The following MYBPC1 variants were observed in gnomAD, a reference collection of about 807,000 sequenced individuals.
MYBPC1 encodes myosin binding protein C1, also known as myosin-binding protein C, slow-type.
A neutral mutation model predicts 147.1 loss-of-function variants in MYBPC1; 52 were observed. The observed-to-expected ratio is 0.35, with a 90% CI of 0.28 to 0.45. The LOEUF (loss-of-function observed/expected upper bound fraction) is 0.45. MYBPC1 is among the 20% of genes least tolerant of loss of function. The pLI is 1.00. For missense variants in MYBPC1, 1,228 were observed against 1,440.3 expected (o/e 0.85, Z 2.39); for synonymous variants, 477 against 475.9 (o/e 1.00, Z -0.03).
chr12:101,685,602 C>T lies in MYBPC1; in HGVS notation c.*40C>T. 6.5e-7 allele frequency: 1 copy of T among 1,533,830 alleles called. No individual in the cohort carries two copies. The highest frequency in any genetic ancestry group is 2.0e-5 in the Admixed American group (1 of 50,974). On this transcript the variant is annotated 3_prime_UTR_variant, in exon 32 of 32. Coordinates refer to ENST00000361466, the MANE Select transcript of MYBPC1 (RefSeq NM_002465.4). ...TCTAGGTGGGCTCTCCTTCTGCAGACTCCTCTTGCAAGGCGTACCTCCAAA... is the reference window on the plus strand; with the variant it reads ...TCTAGGTGGGCTCTCCTTCTGCAGATTCCTCTTGCAAGGCGTACCTCCAAA...
rs1312573219 is a variant in MYBPC1, at chr12:101,631,601, A to G, written c.320A>G (p.Lys107Arg). Residue 107 changes from lysine (K) to arginine (R), a missense_variant, in exon 7 of 32, where the codon AAG becomes AGG. Lys to Arg is a conservative substitution (Grantham distance 26, BLOSUM62 2). Coordinates refer to ENST00000361466, the MANE Select transcript of MYBPC1 (RefSeq NM_002465.4). Reference sequence around the variant, plus strand: ...GATATCACCTTCATAGCCAAAGTCAAGGCTGAAGATCTTCTGAGAAAACCC... The same window carrying G: ...GATATCACCTTCATAGCCAAAGTCAGGGCTGAAGATCTTCTGAGAAAACCC... The part of the protein sequence containing the change: ...GEDITFIAKV[K>R]AEDLLRKPTI... The G allele has an allele frequency of 2.5e-6, 4 of 1,614,040 alleles. No individual in the cohort carries two copies. The highest frequency in any genetic ancestry group is 3.4e-6 in the Non-Finnish European group (4 of 1,180,000).
intron 1 of MYBPC1, among the ~76,000 whole-genome samples, chr12:101,606,753 T>A (rs540160234): frequency 2.6e-5 from 4 of 152,320 alleles, no homozygotes; most frequent in South Asian, 4.1e-4. Flanking sequence ...AAATTCTTCA[T>A]CTCTGCTACA....
downstream of MYBPC1, among the ~76,000 whole-genome samples, chr12:101,687,664 C>T (rs1951371510): frequency 6.6e-6 from 1 of 152,204 alleles, no homozygotes; most frequent in African/African-American, 2.4e-5. Flanking sequence ...GACAATGTGG[C>T]AAACCCAGTC....
At chr12:101,596,581 G>A (rs1877346633) in intron 1 of MYBPC1, among the ~76,000 whole-genome samples, 1 of 152,098 alleles carries the variant, frequency 6.6e-6, no homozygotes, top group African/African-American at 2.4e-5. Context: ...TTGAAAATGA[G>A]AAGAAAGCTG....
At chr12:101,624,629 A>AG (rs63462361) in intron 3 of MYBPC1, among the ~76,000 whole-genome samples, 71,878 of 149,802 alleles carry the variant, frequency 0.48, 17,856 homozygotes, top group East Asian at 0.67. Context: ...TTAAGACTAC[A>AG]GCACACACTA....
intron 25 of MYBPC1, among the ~76,000 whole-genome samples, chr12:101,673,977 T>C (rs12318857): frequency 0.32 from 47,898 of 151,920 alleles, 7,905 homozygotes; most frequent in African/African-American, 0.42. Flanking sequence ...CGCTTGAACC[T>C]GGGAGGTGGA....
At chr12:101,670,824 A>C (rs1359924258) in intron 24 of MYBPC1, among the ~76,000 whole-genome samples, 1 of 152,196 alleles carries the variant, frequency 6.6e-6, no homozygotes, top group African/African-American at 2.4e-5. Flanking sequence ...AATGACCCCA[A>C]ACCAAAATAA....
chr12:101,658,693 T>A (rs1268742973), intron 18 of MYBPC1, among the ~76,000 whole-genome samples: 1 of 152,072 alleles, frequency 6.6e-6, no homozygotes, highest in Non-Finnish European at 1.5e-5. Flanking sequence ...AAAAAATAAA[T>A]AAAAACAAAA....
chr12:101,685,709 C>T lies in MYBPC1; in HGVS notation c.*147C>T. The T allele has an allele frequency of 7.0e-7, 1 of 1,430,226 alleles. No homozygotes were observed. Among genetic ancestry groups the T allele is most frequent in the African/African-American group, 1.4e-5 (1 of 70,348 alleles). The allele number at this position is 1,430,226 out of a possible 1,614,324, so 88.6% of individuals were successfully genotyped here. On this transcript the variant is annotated 3_prime_UTR_variant, in exon 32 of 32. Coordinates refer to ENST00000361466, the MANE Select transcript of MYBPC1 (RefSeq NM_002465.4). ...GGAGGGCCTGGCTACTGTCTCTCTG[C>T]ACTCTGCTGCTTTGAAATCTGGTTG...
intron 3 of MYBPC1, among the ~76,000 whole-genome samples, chr12:101,619,620 T>C (rs1886931214): frequency 6.6e-6 from 1 of 152,218 alleles, no homozygotes; most frequent in Admixed American, 6.5e-5. Flanking sequence ...ACATCCTATG[T>C]ATGTTCTTAG....
In MYBPC1 at chr12:101,655,956, G is replaced by A. The variant is rs555130816; in HGVS notation, c.1767+2708G>A. On this transcript the variant is annotated intron_variant, in intron 18 of 31. Coordinates refer to ENST00000361466, the MANE Select transcript of MYBPC1 (RefSeq NM_002465.4). Reference sequence around the variant, plus strand: ...TGTTCAAAATGATAAAAGCAACAATGTATTCAATTAGGTATGCTTATATAG... The same window carrying A: ...TGTTCAAAATGATAAAAGCAACAATATATTCAATTAGGTATGCTTATATAG... Among the ~76,000 whole-genome samples the A allele has an allele frequency of 7.2e-5, 11 of 152,124 alleles. No individual in the cohort carries two copies. The South Asian group carries it at 2.3e-3, about 32-fold the overall frequency.
chr12:101,629,319 T>C, intron 5 of MYBPC1, 115 bp from the exon 6 acceptor site: 5 of 744,960 alleles, frequency 6.7e-6, no homozygotes, highest in Non-Finnish European at 1.2e-5. Context: ...TGTATTTATC[T>C]AGGTTTATTA....
At chr12:101,689,668 T>C (rs377306555), downstream of MYBPC1, among the ~76,000 whole-genome samples, 119 of 152,170 alleles carry the variant, frequency 7.8e-4, 1 homozygote, top group African/African-American at 2.8e-3. Flanking sequence ...AATTATAAGG[T>C]ATTCATCATG....
Position 101,666,739 on chromosome 12 carries a change from C to G in MYBPC1, c.2357-993C>G, listed in dbSNP as rs745888634. 1.2e-5 allele frequency: 19 copies of G among 1,613,030 alleles called. No homozygotes were observed. The African/African-American group carries it at 2.4e-4, about 20-fold the overall frequency. ...TTAATTAATTTTAATGACGGATTCT[C>G]AAAGGTACATCAGCAAAACAGTCTG... On this transcript the variant is annotated intron_variant, in intron 22 of 31. Coordinates refer to ENST00000361466, the MANE Select transcript of MYBPC1 (RefSeq NM_002465.4).
rs1436529828 is a variant in MYBPC1 at position 101,615,676 on chromosome 12, C to CG, written c.61+1145_61+1146insG. Among the ~76,000 whole-genome samples the CG allele has an allele frequency of 6.1e-4, 66 of 107,826 alleles. 2 individuals are homozygous for CG. In the East Asian group the frequency reaches 0.01, roughly 17 times the overall value. 70.7% of individuals were successfully genotyped at this position (107,826 alleles called of 152,430 possible). ...AAGAACCCCCCGCCCCCCCCCCGCC[C>CG]CCCCACACCAAGCAGTATGTGATTA... On this transcript the variant is annotated intron_variant, in intron 2 of 31. Transcript: ENST00000361466.
rs1899774400 is a variant in MYBPC1 at position 101,675,571 on chromosome 12, C to A, written c.2949+140C>A. ...ATGTGGCAGAGCAGAAAGGAAAAGA[C>A]CTGTGGAGCCACAGAGCTGGTCTTA... On this transcript the variant is annotated intron_variant, in intron 26 of 31. Transcript: ENST00000361466. 15 of 1,292,452 alleles carry A rather than the reference C, an allele frequency of 1.2e-5. No homozygotes were observed. In the South Asian group the frequency reaches 1.7e-4, roughly 15 times the overall value. 80.1% of individuals were successfully genotyped at this position (1,292,452 alleles called of 1,614,324 possible).
intron 3 of MYBPC1, among the ~76,000 whole-genome samples, chr12:101,618,191 C>A (rs1376216434): frequency 6.6e-6 from 1 of 152,112 alleles, no homozygotes; most frequent in African/African-American, 2.4e-5. Context: ...ATTCTTGTGT[C>A]CTATACATTA....
At chr12:101,663,296 A>T in intron 21 of MYBPC1, 130 bp from the exon 22 acceptor site, 1 of 843,350 alleles carries the variant, frequency 1.2e-6, no homozygotes, top group Non-Finnish European at 2.0e-6. Context: ...AAGGTGTCTT[A>T]ACTGAATTTC....
At chr12:101,618,854 C>T (rs372201905) in intron 3 of MYBPC1, among the ~76,000 whole-genome samples, 2 of 136,884 alleles carry the variant, frequency 1.5e-5, no homozygotes, top group East Asian at 2.1e-4. Context: ...CAAAAACTGC[C>T]GTGTGTGTGT....
Sources: allele counts gnomAD v4.1 joint callset (sites outside exome capture counted in the v4.1 genomes callset), GRCh38; gene constraint gnomAD v4.1.1; transcripts MANE v1.5; gene names NCBI Gene and HGNC (gene_info 2026-07-23, HGNC 2026-07-21).